Variants in LSAMP observed in about 807,000 individuals in gnomAD.
The protein encoded by LSAMP is limbic system associated membrane protein.
LSAMP carries 7 observed loss-of-function variants against 38.6 expected under a neutral mutation model. That is an observed-to-expected ratio of 0.18 (90% CI 0.10 to 0.34). The LOEUF (loss-of-function observed/expected upper bound fraction) is 0.34, where lower values mean the gene tolerates loss of function less well. LSAMP is among the 10% of genes least tolerant of loss of function. The probability of loss-of-function intolerance (pLI) is 1.00; values close to 1 mark genes in which losing one functional copy is unlikely to be tolerated. For missense variants in LSAMP, 313 were observed against 420.0 expected (o/e 0.75, Z 2.23); for synonymous variants, 154 against 166.8 (o/e 0.92, Z 0.59).
chr3:116,359,175 T>C (rs1360703217), intron 1 of LSAMP, among the ~76,000 whole-genome samples: 1 of 152,242 alleles, frequency 6.6e-6, no homozygotes, highest in East Asian at 1.9e-4. Flanking sequence ...GAGTCTTTTC[T>C]AAGATAAAAT....
chr3:116,077,402 A>G (rs1293791749), intron 2 of LSAMP, among the ~76,000 whole-genome samples: 12 of 152,028 alleles, frequency 7.9e-5, no homozygotes. Flanking sequence ...TATCCTATGT[A>G]TTTTGTTCCT....
intron 3 of LSAMP, among the ~76,000 whole-genome samples, chr3:115,951,287 C>G (rs534424878): frequency 2.6e-5 from 4 of 152,184 alleles, no homozygotes; most frequent in African/African-American, 9.6e-5. Context: ...CCCAATTAAA[C>G]TAAAAAGCTT....
chr3:115,931,341 G>A (rs1335995783), intron 3 of LSAMP, among the ~76,000 whole-genome samples: 1 of 152,194 alleles, frequency 6.6e-6, no homozygotes, highest in Admixed American at 6.5e-5. Context: ...TTTCATGGAG[G>A]TCATGACTAA....
chr3:116,257,175 T>A (rs1176322131), intron 1 of LSAMP, among the ~76,000 whole-genome samples: 1 of 152,144 alleles, frequency 6.6e-6, no homozygotes, highest in African/African-American at 2.4e-5. Context: ...AACTCCCTTT[T>A]AGCAGGGACC....
chr3:116,383,629 A>G (rs2048590172), intron 1 of LSAMP, among the ~76,000 whole-genome samples: 1 of 152,122 alleles, frequency 6.6e-6, no homozygotes, highest in African/African-American at 2.4e-5. Flanking sequence ...CAAAACATGG[A>G]GCTTGAAAAA....
chr3:116,230,838 A>G (rs540385886), intron 1 of LSAMP, among the ~76,000 whole-genome samples: 2 of 152,306 alleles, frequency 1.3e-5, no homozygotes, highest in East Asian at 3.9e-4. Flanking sequence ...GTAAAAATTA[A>G]TTAAAATGAG....
chr3:115,827,771 A>T (rs1466886405), intron 6 of LSAMP, among the ~76,000 whole-genome samples: 1 of 152,166 alleles, frequency 6.6e-6, no homozygotes, highest in Admixed American at 6.5e-5. Context: ...GCCTACTCCC[A>T]TCATACATCT....
rs913199155 is a variant in LSAMP, at chr3:116,314,596, C to A, written c.155+130281G>T. Among the ~76,000 whole-genome samples the A allele has an allele frequency of 2.0e-5, 3 of 152,154 alleles. No individual in the cohort carries two copies. In the South Asian group the frequency reaches 6.2e-4, roughly 32 times the overall value. On this transcript the variant is annotated intron_variant, in intron 1 of 6. Coordinates refer to ENST00000490035, the MANE Select transcript of LSAMP (RefSeq NM_002338.5). ...AAATTCACAATGGTGTTTGTGGAAA[C>A]TGGCTATGTCAGAATATAGTTATGG... is the stretch of plus-strand genomic sequence containing the variant.
At chr3:116,204,722 C>T (rs1237036977) in intron 1 of LSAMP, among the ~76,000 whole-genome samples, 15 of 151,442 alleles carry the variant, frequency 9.9e-5, no homozygotes, top group East Asian at 3.9e-4. Flanking sequence ...AGATATGCAG[C>T]GTTATTTCTG....
intron 3 of LSAMP, among the ~76,000 whole-genome samples, chr3:115,899,730 G>C (rs772157401): frequency 6.6e-5 from 10 of 152,092 alleles, no homozygotes; most frequent in Non-Finnish European, 1.3e-4. Flanking sequence ...CATCAACTTT[G>C]CACAGTCAGC....
intron 1 of LSAMP, among the ~76,000 whole-genome samples, chr3:116,265,009 A>T (rs1427640425): frequency 6.6e-6 from 1 of 152,126 alleles, no homozygotes; most frequent in Non-Finnish European, 1.5e-5. Flanking sequence ...CCTCATCCTG[A>T]GGCTCTCTAG....
At chr3:116,183,325 G>A (rs1430229821) in intron 1 of LSAMP, among the ~76,000 whole-genome samples, 1 of 151,870 alleles carries the variant, frequency 6.6e-6, no homozygotes, top group Non-Finnish European at 1.5e-5. Context: ...CATGCTTATT[G>A]CATGGAAGGC....
chr3:116,399,483 A>G (rs1205453071), intron 1 of LSAMP, among the ~76,000 whole-genome samples: 1 of 152,220 alleles, frequency 6.6e-6, no homozygotes, highest in Admixed American at 6.5e-5. Flanking sequence ...GACACACTAT[A>G]GAAAACACTG....
At chr3:116,418,965 G>C (rs984476785) in intron 1 of LSAMP, among the ~76,000 whole-genome samples, 1 of 152,108 alleles carries the variant, frequency 6.6e-6, no homozygotes, top group Non-Finnish European at 1.5e-5. Context: ...CTGTGCTTTT[G>C]CATGTGCTAT....
At chr3:115,832,206 G>A (rs1282865705) in intron 6 of LSAMP, among the ~76,000 whole-genome samples, 1 of 152,118 alleles carries the variant, frequency 6.6e-6, no homozygotes, top group Non-Finnish European at 1.5e-5. Context: ...ATCTTTGTGA[G>A]GTTGGAAATT....
intron 1 of LSAMP, among the ~76,000 whole-genome samples, chr3:116,164,628 A>AAT (rs369789482): frequency 0.019 from 1,741 of 90,922 alleles, 70 homozygotes; most frequent in African/African-American, 0.057. Context: ...ATATAATCCA[A>AAT]ATATATATAT....
intron 6 of LSAMP, among the ~76,000 whole-genome samples, chr3:115,820,230 G>C (rs1044506049): frequency 7.2e-5 from 11 of 152,272 alleles, no homozygotes; most frequent in Admixed American, 7.2e-4. Context: ...ACCGTGCTTA[G>C]AACACAACCT....
At chr3:115,927,605 G>A (rs969262259) in intron 3 of LSAMP, among the ~76,000 whole-genome samples, 2 of 151,928 alleles carry the variant, frequency 1.3e-5, no homozygotes, top group African/African-American at 4.8e-5. Flanking sequence ...TAACTCTTTG[G>A]CGTCCTATCT....
At chr3:116,156,834 T>G (rs1709761048) in intron 1 of LSAMP, among the ~76,000 whole-genome samples, 2 of 152,122 alleles carry the variant, frequency 1.3e-5, no homozygotes, top group Admixed American at 1.3e-4. Context: ...TTGGTTGTCT[T>G]AAGTAGAAAA....
Sources: allele counts gnomAD v4.1 joint callset (sites outside exome capture counted in the v4.1 genomes callset), GRCh38; gene constraint gnomAD v4.1.1; transcripts MANE v1.5; gene names NCBI Gene and HGNC (gene_info 2026-07-23, HGNC 2026-07-21).